The following PGAM5 variants were observed in gnomAD, a reference collection of about 807,000 sequenced individuals.
PGAM5 encodes the protein serine/threonine-protein phosphatase PGAM5, mitochondrial.
PGAM5 carries 25 observed loss-of-function variants against 30.6 expected under a neutral mutation model. The observed-to-expected ratio is 0.82, with a 90% confidence interval of 0.60 to 1.14. PGAM5 has a LOEUF of 1.14. Ranked by LOEUF, PGAM5 falls within the 50% of genes most tolerant of loss-of-function variation. PGAM5 has a pLI of 0.00. For missense variants in PGAM5, 384 were observed against 408.5 expected (o/e 0.94, Z 0.52); for synonymous variants, 201 against 179.1 (o/e 1.12, Z -0.98).
At chr12:132,715,421 A>G (rs1350669870) in intron 2 of PGAM5, among the ~76,000 whole-genome samples, 1 of 151,164 alleles carries the variant, frequency 6.6e-6, no homozygotes, top group Non-Finnish European at 1.5e-5. Flanking sequence ...AAGTACAAAA[A>G]TTAGCCAGGT....
chr12:132,720,810 C>A lies in PGAM5; in HGVS notation c.852C>A (p.Asp284Glu), dbSNP rs1211399296. Residue 284 changes from aspartate (D) to glutamate (E), a missense_variant, in exon 6 of 6, where the codon GAC becomes GAA. Asp to Glu is a conservative substitution (Grantham distance 45). Coordinates refer to ENST00000498926, the MANE Select transcript of PGAM5 (RefSeq NM_001170543.2). Reference sequence around the variant, plus strand: ...GGGACACGGGGTTCATGCCTCCCGACAAGATCACTCGATCCTGAGGGCTCC... The same window carrying A: ...GGGACACGGGGTTCATGCCTCCCGAAAAGATCACTCGATCCTGAGGGCTCC... ...TLGDTGFMPPDKITRS is the reference protein window; with the variant it reads ...TLGDTGFMPPEKITRS The A allele has an allele frequency of 3.9e-6, 6 of 1,536,420 alleles. 1 individual carries two copies. In the Admixed American group the frequency reaches 9.8e-5, roughly 25 times the overall value.
At position 132,717,681 on chromosome 12, in the gene PGAM5, A is replaced by G. The variant is rs758211647; in HGVS notation, c.497-29A>G. On this transcript the variant is annotated intron_variant, in intron 3 of 5. Coordinates refer to ENST00000498926, the MANE Select transcript of PGAM5 (RefSeq NM_001170543.2). The stretch of plus-strand genomic sequence containing the variant: ...GCATCTCCGCCGGCGGGGCCGCCTC[A>G]CCCAGCGCTTCGCTGTGCTTCTCTG... 3.2e-6 allele frequency: 5 copies of G among 1,565,242 alleles called. No individual in the cohort carries two copies. In the East Asian group the frequency reaches 7.1e-5, roughly 22 times the overall value.
At position 132,717,559 on chromosome 12, in the gene PGAM5, T is replaced by C. The variant is rs1460420053; in HGVS notation, c.491T>C (p.Leu164Pro). The C allele has an allele frequency of 3.1e-6, 5 of 1,610,732 alleles. No homozygotes were observed. Among genetic ancestry groups the C allele is most frequent in the Non-Finnish European group, 1.7e-6 (2 of 1,179,850 alleles). Residue 164 changes from leucine to proline, a missense_variant, in exon 3 of 6, where the codon CTG becomes CCG. Leu to Pro is a moderately conservative substitution (Grantham distance 98, BLOSUM62 -3). Transcript: ENST00000498926. ...ACCACCGATATCATCAGCCGGCACC[T>C]GCCAGGTGAGTGCTGCGCGCGGGGC... Reference protein sequence around the residue: ...IETTDIISRHLPGVCKVSTDL... With the variant: ...IETTDIISRHPPGVCKVSTDL...
At position 132,714,887 on chromosome 12, in the gene PGAM5, G is replaced by C; in HGVS notation, c.221G>C (p.Arg74Pro). 6.2e-7 allele frequency: 1 copy of C among 1,613,736 alleles called. No individual in the cohort carries two copies. The highest frequency in any genetic ancestry group is 8.5e-7 in the Non-Finnish European group (1 of 1,179,980). ...RREPLSLINV[R>P]KRNVESGEEE... is the part of the protein sequence containing the mutation. ...GAACCACTGTCTCTGATCAACGTGCGGAAGAGGAACGTGGAATCTGGGGAA... is the reference window on the plus strand; with the variant it reads ...GAACCACTGTCTCTGATCAACGTGCCGAAGAGGAACGTGGAATCTGGGGAA... The change falls in exon 2 of 6, where the codon CGG becomes CCG. Residue 74 changes from arginine to proline, a missense_variant. Coordinates refer to ENST00000498926, the MANE Select transcript of PGAM5 (RefSeq NM_001170543.2).
intron 5 of PGAM5, among the ~76,000 whole-genome samples, chr12:132,720,097 A>G (rs1026202129): frequency 4.6e-5 from 7 of 152,338 alleles, no homozygotes; most frequent in South Asian, 2.1e-4. Context: ...GGCTCCATTC[A>G]TGTCGATCCC....
intron 3 of PGAM5, 38 bp from the exon 4 acceptor site, chr12:132,717,672 G>A (rs767473699): frequency 1.3e-6 from 2 of 1,565,990 alleles, no homozygotes; most frequent in East Asian, 2.4e-5. Flanking sequence ...CCGCCGGCGG[G>A]GCCGCCTCAC....
chr12:132,719,944 A>G (rs888315782), intron 5 of PGAM5, among the ~76,000 whole-genome samples: 1 of 152,260 alleles, frequency 6.6e-6, no homozygotes, highest in African/African-American at 2.4e-5. Flanking sequence ...CTGTTGCACT[A>G]ACTGGCTGCT....
intron 5 of PGAM5, chr12:132,718,867 G>C (rs1003789679): frequency 6.2e-7 from 1 of 1,611,718 alleles, no homozygotes. Flanking sequence ...GTGACGGCTC[G>C]GGGTGTCCGC....
intron 5 of PGAM5, among the ~76,000 whole-genome samples, chr12:132,720,113 T>TCGATTCACGTCGATCCCAGTCAC (rs1393227680): frequency 1.3e-5 from 2 of 152,104 alleles, no homozygotes; most frequent in African/African-American, 2.4e-5. Flanking sequence ...ATCCCAGTCA[T>TCGATTCACGTCGATCCCAGTCAC]CGATTCACGT....
chr12:132,717,237 G>A (rs1012307984), intron 2 of PGAM5, among the ~76,000 whole-genome samples: 5 of 152,076 alleles, frequency 3.3e-5, no homozygotes, highest in Non-Finnish European at 2.9e-5. Context: ...CCCAAGCCTC[G>A]GGCGGGCAGG....
chr12:132,719,738 G>T (rs560147178), intron 5 of PGAM5, among the ~76,000 whole-genome samples: 4 of 152,236 alleles, frequency 2.6e-5, no homozygotes, highest in Non-Finnish European at 5.9e-5. Context: ...GGCCGGTGCC[G>T]CCAGGCAGCC....
chr12:132,714,735 A>G, intron 1 of PGAM5, 123 bp from the exon 2 acceptor site: 2 of 1,112,482 alleles, frequency 1.8e-6, no homozygotes, highest in East Asian at 5.0e-5. Context: ...GGCTGTGCCA[A>G]GGGCCTTGTC....
At chr12:132,711,738 C>T (rs1046883532) in intron 1 of PGAM5, 29 of 151,146 alleles carry the variant, frequency 1.9e-4, no homozygotes, top group African/African-American at 6.3e-4. Context: ...CAGTGTGAGC[C>T]GAGATCCCGC....
At chr12:132,720,621 TAAG>T in intron 5 of PGAM5, 54 bp from the exon 6 acceptor site, 1 of 1,499,806 alleles carries the variant, frequency 6.7e-7, no homozygotes, top group South Asian at 1.3e-5. Flanking sequence ...CAGCCCGTTT[TAAG>T]GACAGAGCCC....
chr12:132,720,737 C>G lies in PGAM5; in HGVS notation c.779C>G (p.Thr260Ser), dbSNP rs949860565. The change falls in exon 6 of 6, where the codon ACC (threonine) becomes AGC (serine). Residue 260 changes from threonine to serine, a missense_variant. Physicochemically the swap from Thr to Ser is moderately conservative, Grantham distance 58 (BLOSUM62 1). Coordinates refer to ENST00000498926, the MANE Select transcript of PGAM5 (RefSeq NM_001170543.2). ...LRLSLNNGSI[T>S]HLVIRPNGRV... ...CTCTCCCTCAATAATGGCAGCATCA[C>G]CCACCTGGTGATCCGACCCAACGGC... The G allele has an allele frequency of 1.3e-6, 2 of 1,536,342 alleles. No individual in the cohort carries two copies. Among genetic ancestry groups the G allele is most frequent in the Admixed American group, 3.9e-5 (2 of 50,996 alleles).
intron 5 of PGAM5, chr12:132,719,145 A>T: frequency 7.8e-7 from 1 of 1,288,700 alleles, no homozygotes; most frequent in Non-Finnish European, 9.9e-7. Context: ...GCCAAATCTC[A>T]CTAAATGCAA....
At position 132,710,937 on chromosome 12, in the gene PGAM5, G is replaced by A. The variant is rs953965111; in HGVS notation, c.61G>A (p.Val21Met). The change falls in exon 1 of 6, where the codon GTG (valine) becomes ATG (methionine). Residue 21 changes from valine to methionine, a missense_variant. Coordinates refer to ENST00000498926, the MANE Select transcript of PGAM5 (RefSeq NM_001170543.2). ...ACGLAGGSAAVLFSAVAVGKP... is the reference protein window; with the variant it reads ...ACGLAGGSAAMLFSAVAVGKP... The stretch of plus-strand genomic sequence containing the variant: ...CGGGCTGGCCGGGGGCTCGGCCGCC[G>A]TGCTCTTCTCGGCCGTGGCGGTAGG... 13 of 1,170,328 alleles carry A rather than the reference G, an allele frequency of 1.1e-5. No homozygotes were observed. Among genetic ancestry groups the A allele is most frequent in the Non-Finnish European group, 1.2e-5 (11 of 949,624 alleles). 72.5% of individuals were successfully genotyped at this position (1,170,328 alleles called of 1,614,324 possible).
intron 2 of PGAM5, among the ~76,000 whole-genome samples, chr12:132,715,333 G>A (rs1192838867): frequency 2.0e-5 from 3 of 151,904 alleles, no homozygotes; most frequent in Non-Finnish European, 2.9e-5. Flanking sequence ...CACTTTGGGA[G>A]GCCGAGGCAG....
chr12:132,714,584 T>C (rs976223087), intron 1 of PGAM5, among the ~76,000 whole-genome samples: 7 of 152,200 alleles, frequency 4.6e-5, no homozygotes, highest in African/African-American at 1.7e-4. Flanking sequence ...TCTCCTGCTG[T>C]TCACTGTCTG....
Sources: allele counts gnomAD v4.1 joint callset (sites outside exome capture counted in the v4.1 genomes callset), GRCh38; gene constraint gnomAD v4.1.1; transcripts MANE v1.5; gene names NCBI Gene and HGNC (gene_info 2026-07-23, HGNC 2026-07-21).